The following ZC3H12B variants were observed in gnomAD, a reference collection of about 807,000 sequenced individuals.
ZC3H12B encodes the protein probable ribonuclease ZC3H12B.
Under a neutral mutation model 43.9 loss-of-function variants are expected in ZC3H12B, and 7 were observed. The ratio of observed to expected loss-of-function variants is 0.16; its 90% confidence interval spans 0.09 to 0.30. The LOEUF is 0.30. Among genes scored for constraint, ZC3H12B ranks in the 10% least tolerant of loss-of-function variants. The probability of loss-of-function intolerance (pLI) is 1.00; values close to 1 mark genes in which losing one functional copy is unlikely to be tolerated. For synonymous variants in ZC3H12B, 222 were observed against 241.7 expected (o/e 0.92, Z 0.76); for missense variants, 475 against 670.2 (o/e 0.71, Z 3.22).
At chrX:65,232,820 A>T in the ZC3H12B span, among the ~76,000 whole-genome samples, 3 of 111,378 alleles carry the variant, frequency 2.7e-5, no homozygotes, top group African/African-American at 3.3e-5. Flanking sequence ...GGAAAAAAAA[A>T]AGACTCGACT....
chrX:65,087,075 G>T, the ZC3H12B span, among the ~76,000 whole-genome samples: 1 of 110,160 alleles, frequency 9.1e-6, no homozygotes, highest in South Asian at 3.9e-4. Flanking sequence ...TTCTCTTTAG[G>T]TCTGCTCTCT....
chrX:65,442,313 A>G (rs971865585), intron 3 of ZC3H12B, among the ~76,000 whole-genome samples: 4 of 110,739 alleles, frequency 3.6e-5, no homozygotes, highest in African/African-American at 1.3e-4. Flanking sequence ...GAGCAGCCGA[A>G]TCTGAAATCA....
At chrX:65,050,171 C>G in the ZC3H12B span, among the ~76,000 whole-genome samples, 1 of 110,885 alleles carries the variant, frequency 9.0e-6, no homozygotes, top group Non-Finnish European at 1.9e-5. Context: ...TCTTTTGATG[C>G]CATTGAAAAT....
At chrX:65,195,611 G>A in the ZC3H12B span, among the ~76,000 whole-genome samples, 7 of 112,328 alleles carry the variant, frequency 6.2e-5, no homozygotes, top group South Asian at 1.8e-3. Flanking sequence ...AAATATTAAA[G>A]ATAGTTATAG....
the ZC3H12B span, among the ~76,000 whole-genome samples, chrX:65,096,835 A>G: frequency 3.6e-5 from 4 of 111,756 alleles, no homozygotes; most frequent in South Asian, 1.1e-3. Context: ...GCTTATTGTT[A>G]TTGAAAATAT....
At chrX:65,140,885 C>A in the ZC3H12B span, among the ~76,000 whole-genome samples, 1 of 111,561 alleles carries the variant, frequency 9.0e-6, no homozygotes, top group African/African-American at 3.2e-5. Context: ...ACTTATGATC[C>A]TTTGCAGTTT....
intron 3 of ZC3H12B, among the ~76,000 whole-genome samples, chrX:65,412,185 T>A (rs928318365): frequency 1.2e-4 from 13 of 111,681 alleles, no homozygotes; most frequent in African/African-American, 3.9e-4. Flanking sequence ...CCAATCTATG[T>A]TCTGTCGCTG....
the ZC3H12B span, among the ~76,000 whole-genome samples, chrX:65,141,553 A>G: frequency 1.6e-4 from 17 of 109,192 alleles, no homozygotes; most frequent in Middle Eastern, 9.5e-3. Flanking sequence ...TTATTGGGGA[A>G]CAAGTGGTGT....
At chrX:65,326,820 T>G in the ZC3H12B span, among the ~76,000 whole-genome samples, 1 of 111,550 alleles carries the variant, frequency 9.0e-6, no homozygotes, top group Non-Finnish European at 1.9e-5. Flanking sequence ...AGAAATGGGC[T>G]AGAAACCTGA....
chrX:65,127,918 C>G, the ZC3H12B span, among the ~76,000 whole-genome samples: 13 of 111,503 alleles, frequency 1.2e-4, no homozygotes, highest in African/African-American at 4.2e-4. Context: ...AGGCAGCCAG[C>G]TACCAAGACT....
intron 3 of ZC3H12B, among the ~76,000 whole-genome samples, chrX:65,446,012 C>T (rs1044988698): frequency 1.8e-5 from 2 of 111,284 alleles, no homozygotes; most frequent in Non-Finnish European, 3.8e-5. Context: ...TGAGTACTGC[C>T]TGGCTACTGC....
chrX:65,387,638 A>T (rs1439340978), intron 2 of ZC3H12B, among the ~76,000 whole-genome samples: 2 of 111,832 alleles, frequency 1.8e-5, no homozygotes, highest in African/African-American at 6.5e-5. Context: ...TAGTCCATTT[A>T]CATTTATGGT....
the ZC3H12B span, among the ~76,000 whole-genome samples, chrX:65,355,546 G>T: frequency 1.8e-5 from 2 of 111,351 alleles, no homozygotes; most frequent in Admixed American, 1.9e-4. Context: ...CAACTAAACA[G>T]ATTAAGATTC....
the ZC3H12B span, among the ~76,000 whole-genome samples, chrX:65,126,052 T>G: frequency 1.8e-5 from 2 of 109,112 alleles, no homozygotes; most frequent in African/African-American, 6.7e-5. Context: ...TGTGTGTGTT[T>G]TTTTTTTTTT....
chrX:65,049,431 A>G, the ZC3H12B span, among the ~76,000 whole-genome samples: 1 of 111,001 alleles, frequency 9.0e-6, no homozygotes, highest in East Asian at 2.8e-4. Flanking sequence ...AGAGATTATC[A>G]TTTTCCTATT....
the ZC3H12B span, among the ~76,000 whole-genome samples, chrX:65,140,225 T>C: frequency 4.5e-5 from 5 of 111,632 alleles, no homozygotes; most frequent in Admixed American, 3.8e-4. Flanking sequence ...TGATGTTAGC[T>C]GTAGGTTTTT....
At chrX:65,119,951 G>T in the ZC3H12B span, among the ~76,000 whole-genome samples, 4 of 111,531 alleles carry the variant, frequency 3.6e-5, no homozygotes, top group East Asian at 1.1e-3. Flanking sequence ...AAGATCAGAT[G>T]GTTGTAGATA....
chrX:65,074,223 C>T, the ZC3H12B span, among the ~76,000 whole-genome samples: 2 of 110,239 alleles, frequency 1.8e-5, no homozygotes, highest in African/African-American at 3.3e-5. Context: ...ATTTCTCTTT[C>T]TATTTAGAAA....
At chrX:65,329,515 C>T in the ZC3H12B span, among the ~76,000 whole-genome samples, 1,266 of 83,679 alleles carry the variant, frequency 0.015, 275 homozygotes, top group African/African-American at 0.22. Context: ...TTCACTCTGA[C>T]GGAAGTTTCT....
Sources: allele counts gnomAD v4.1 joint callset (sites outside exome capture counted in the v4.1 genomes callset), GRCh38; gene constraint gnomAD v4.1.1; transcripts MANE v1.5; gene names NCBI Gene and HGNC (gene_info 2026-07-23, HGNC 2026-07-21).